LMO7: variants seen among roughly 807,000 people sequenced by gnomAD.
LMO7 encodes LIM domain 7, also known as LIM domain only protein 7.
In LMO7, 120 loss-of-function variants were observed where a neutral mutation model predicts 206.5. The observed-to-expected ratio is 0.58, with a 90% CI of 0.50 to 0.68. The LOEUF (loss-of-function observed/expected upper bound fraction) is 0.68, where lower values mean the gene tolerates loss of function less well. Among genes scored for constraint, LMO7 ranks in the 30% least tolerant of loss-of-function variants. The pLI, the probability that LMO7 is intolerant of heterozygous loss-of-function variation, is 0.00. For missense variants in LMO7, 1,959 were observed against 1,957.9 expected, an observed-to-expected ratio of 1.00 and a Z score of -0.01; for synonymous variants, 706 against 681.5, an observed-to-expected ratio of 1.04 and a Z score of -0.56.
intron 1 of LMO7, among the ~76,000 whole-genome samples, chr13:75,644,487 A>G (rs1306509401): frequency 2.0e-5 from 3 of 152,200 alleles, no homozygotes; most frequent in Non-Finnish European, 4.4e-5. Context: ...TGTTCCACCT[A>G]AAGCTGTAAG....
chr13:75,722,632 T>C (rs1019623213), intron 2 of LMO7, among the ~76,000 whole-genome samples: 2 of 152,120 alleles, frequency 1.3e-5, no homozygotes, highest in Non-Finnish European at 2.9e-5. Context: ...TGGAAAACAG[T>C]GTGGAGATTC....
chr13:75,711,185 G>T (rs188081802), intron 1 of LMO7, among the ~76,000 whole-genome samples: 78 of 152,284 alleles, frequency 5.1e-4, no homozygotes, highest in Admixed American at 2.9e-3. Flanking sequence ...TTGATGTGCT[G>T]CTGGATTCGG....
At chr13:75,783,512 G>T (rs2140379206) in intron 4 of LMO7, among the ~76,000 whole-genome samples, 1 of 152,188 alleles carries the variant, frequency 6.6e-6, no homozygotes, top group South Asian at 2.1e-4. Flanking sequence ...TGGAAGAGAA[G>T]GGGTTTCATC....
At chr13:75,818,024 G>C (rs978558273) in intron 12 of LMO7, among the ~76,000 whole-genome samples, 2 of 152,138 alleles carry the variant, frequency 1.3e-5, no homozygotes, top group Non-Finnish European at 2.9e-5. Context: ...AAAGGAGTCA[G>C]AGTAAATCTT....
intron 4 of LMO7, among the ~76,000 whole-genome samples, chr13:75,787,982 G>A (rs535170368): frequency 6.6e-6 from 1 of 152,286 alleles, no homozygotes; most frequent in Non-Finnish European, 1.5e-5. Flanking sequence ...ATTTTAAATA[G>A]TGCGATGGAT....
At chr13:75,801,274 T>G (rs2054695886) in intron 7 of LMO7, among the ~76,000 whole-genome samples, 1 of 151,982 alleles carries the variant, frequency 6.6e-6, no homozygotes, top group Non-Finnish European at 1.5e-5. Flanking sequence ...CTGAGTAACT[T>G]TCATCCTTGG....
chr13:75,658,252 G>A (rs1260601247), intron 1 of LMO7, among the ~76,000 whole-genome samples: 1 of 152,014 alleles, frequency 6.6e-6, no homozygotes, highest in Admixed American at 6.6e-5. Context: ...TGTCAGATAG[G>A]TAGTGTATCT....
intron 1 of LMO7, among the ~76,000 whole-genome samples, chr13:75,686,403 A>C (rs1315479568): frequency 6.6e-6 from 1 of 152,140 alleles, no homozygotes; most frequent in Non-Finnish European, 1.5e-5. Context: ...AGACTTCCCC[A>C]CATGATTCAA....
chr13:75,709,320 G>A (rs534721582), intron 1 of LMO7, among the ~76,000 whole-genome samples: 2 of 152,102 alleles, frequency 1.3e-5, no homozygotes, highest in African/African-American at 4.8e-5. Context: ...CCCAGTAATG[G>A]GATTGCTGGG....
At chr13:75,664,208 C>T (rs543969662) in intron 1 of LMO7, among the ~76,000 whole-genome samples, 1 of 151,732 alleles carries the variant, frequency 6.6e-6, no homozygotes, top group Admixed American at 6.6e-5. Context: ...TTAATTTTTA[C>T]CTCCCACAAA....
At chr13:75,856,827 G>C (rs1279960833) in intron 30 of LMO7, 1 of 440,690 alleles carries the variant, frequency 2.3e-6, no homozygotes, top group African/African-American at 2.0e-5. Flanking sequence ...GCCAAGGAAT[G>C]GAGAGGAACA....
intron 15 of LMO7, 49 bp downstream of exon 15, chr13:75,823,922 T>C (rs1281361944): frequency 6.8e-7 from 1 of 1,470,126 alleles, no homozygotes; most frequent in Non-Finnish European, 9.4e-7. Flanking sequence ...CACTTACACA[T>C]TTAAATCTGG....
intron 3 of LMO7, chr13:75,760,660 T>C: frequency 1.3e-6 from 2 of 1,501,686 alleles, no homozygotes; most frequent in South Asian, 2.6e-5. Flanking sequence ...ACTTGTCCTG[T>C]AACAGGTAAT....
At chr13:75,730,006 G>C (rs1342551161) in intron 3 of LMO7, among the ~76,000 whole-genome samples, 3 of 151,988 alleles carry the variant, frequency 2.0e-5, no homozygotes, top group Non-Finnish European at 4.4e-5. Context: ...TAAGCTTTTT[G>C]ATGTGCTGCT....
intron 8 of LMO7, 127 bp from the exon 9 acceptor site, chr13:75,805,352 G>A: frequency 9.4e-7 from 1 of 1,067,198 alleles, no homozygotes; most frequent in Non-Finnish European, 1.3e-6. Context: ...CTGTGGTGGT[G>A]ATGAGAATGG....
chr13:75,778,588 T>C (rs2050850640), intron 4 of LMO7, among the ~76,000 whole-genome samples: 1 of 152,230 alleles, frequency 6.6e-6, no homozygotes, highest in Non-Finnish European at 1.5e-5. Context: ...GTAAGGCATA[T>C]TGAGTTTTTT....
At chr13:75,648,505 C>T (rs2037259655) in intron 1 of LMO7, among the ~76,000 whole-genome samples, 2 of 152,184 alleles carry the variant, frequency 1.3e-5, no homozygotes, top group African/African-American at 4.8e-5. Flanking sequence ...CATAGCCCTG[C>T]CTGTTGTTTG....
intron 1 of LMO7, among the ~76,000 whole-genome samples, chr13:75,675,882 G>A (rs1262956744): frequency 8.7e-6 from 1 of 115,268 alleles, no homozygotes; most frequent in South Asian, 3.0e-4. Context: ...ACGCGTGCAC[G>A]AGCGTGCACA....
At chr13:75,658,796 A>T (rs895386581) in intron 1 of LMO7, among the ~76,000 whole-genome samples, 7 of 151,028 alleles carry the variant, frequency 4.6e-5, no homozygotes, top group Non-Finnish European at 8.9e-5. Context: ...TCACTGTGTT[A>T]GCCAGGATGG....
Sources: allele counts gnomAD v4.1 joint callset (sites outside exome capture counted in the v4.1 genomes callset), GRCh38; gene constraint gnomAD v4.1.1; transcripts MANE v1.5; gene names NCBI Gene and HGNC (gene_info 2026-07-23, HGNC 2026-07-21).